The following MTMR3 variants were observed in gnomAD, a reference collection of about 807,000 sequenced individuals.
The protein encoded by MTMR3 is phosphatidylinositol-3,5-bisphosphate 3-phosphatase MTMR3.
A neutral mutation model predicts 132.4 loss-of-function variants in MTMR3; 32 were observed. That is an observed-to-expected ratio of 0.24 (90% CI 0.18 to 0.32). The LOEUF (loss-of-function observed/expected upper bound fraction) is 0.32. MTMR3 is among the 10% of genes least tolerant of loss of function. The probability of loss-of-function intolerance (pLI) is 1.00; values close to 1 mark genes in which losing one functional copy is unlikely to be tolerated. For missense variants in MTMR3, 1,216 were observed against 1,489.6 expected (o/e 0.82, Z 3.02); for synonymous variants, 556 against 550.3 (o/e 1.01, Z -0.14).
chr22:29,938,478 C>T (rs760660283), intron 1 of MTMR3, among the ~76,000 whole-genome samples: 2 of 152,238 alleles, frequency 1.3e-5, no homozygotes, highest in African/African-American at 4.8e-5. Flanking sequence ...TCCCCCAGCC[C>T]GCTGGTATTC....
chr22:30,005,640 C>A (rs566923733), intron 9 of MTMR3: 2 of 152,204 alleles, frequency 1.3e-5, no homozygotes, highest in East Asian at 1.9e-4. Context: ...CAAGTACTTA[C>A]AGCTACTTGT....
intron 7 of MTMR3, 166 bp from the exon 8 acceptor site, chr22:29,998,595 A>T (rs1387222465): frequency 1.5e-5 from 5 of 328,206 alleles, no homozygotes; most frequent in Non-Finnish European, 2.2e-5. Flanking sequence ...GTGAGCTGAG[A>T]TCACACCACT....
chr22:29,977,923 GATCA>G (rs1169126168), intron 3 of MTMR3, among the ~76,000 whole-genome samples: 1 of 152,126 alleles, frequency 6.6e-6, no homozygotes, highest in Admixed American at 6.6e-5. Flanking sequence ...GAGGCAGCTG[GATCA>G]CCTGAGGCCA....
chr22:29,987,001 A>G (rs919909112), intron 5 of MTMR3: 3 of 152,208 alleles, frequency 2.0e-5, no homozygotes, highest in African/African-American at 7.2e-5. Flanking sequence ...TCGGCCTCCC[A>G]AAATGTTGGC....
intron 1 of MTMR3, among the ~76,000 whole-genome samples, chr22:29,897,596 G>C (rs1487258900): frequency 2.6e-5 from 4 of 151,760 alleles, no homozygotes; most frequent in Admixed American, 6.6e-5. Context: ...GGGATTACAG[G>C]AGCTCGTCAC....
Position 30,009,092 on chromosome 22 carries a change from C to G in MTMR3, c.1084C>G (p.Leu362Val). 6.2e-7 allele frequency: 1 copy of G among 1,613,610 alleles called. No individual in the cohort carries two copies. Among genetic ancestry groups the G allele is most frequent in the Non-Finnish European group, 8.5e-7 (1 of 1,179,508 alleles). ...IHSIRRSFQS[L>V]RLLCTQMPDP... ...TTCTATTCGGAGGAGTTTTCAGTCT[C>G]TGCGGTTGCTGTGCACTCAGATGCC... The change falls in exon 12 of 20, where the codon CTG becomes GTG. Residue 362 changes from leucine (L) to valine (V), a missense_variant. By Grantham distance (32) the Leu-to-Val change is conservative. Transcript: ENST00000401950.
Position 29,949,519 on chromosome 22 carries a change from A to C in MTMR3, c.-137-7517A>C, listed in dbSNP as rs201970159. On this transcript the variant is annotated intron_variant, in intron 1 of 19. Transcript: ENST00000401950. Reference sequence around the variant, plus strand: ...CCCCGCGCCCCCCCCCAAAAAAAAAAAACAACACACGTACACATAAACCCA... The same window carrying C: ...CCCCGCGCCCCCCCCCAAAAAAAAACAACAACACACGTACACATAAACCCA... 5.1e-3 allele frequency among the ~76,000 whole-genome samples: 750 copies of C among 146,226 alleles called. 44 individuals carry two copies. In the East Asian group the frequency reaches 0.12, roughly 24 times the overall value.
intron 2 of MTMR3, among the ~76,000 whole-genome samples, chr22:29,966,726 CGTGTGTGTGTGTGTGTGTGTGTGTGTGT>C (rs55960706): frequency 7.0e-6 from 1 of 142,856 alleles, no homozygotes; most frequent in Non-Finnish European, 1.6e-5. Context: ...TAGGGGTGTG[CGTGTGTGTGTGTGTGTGTGTGTGTGTGT>C]GTGTGTGTGT....
In MTMR3 at chr22:29,913,725, G is replaced by T. The variant is rs561018563; in HGVS notation, c.-138+30366G>T. Among the ~76,000 whole-genome samples, 13 of 146,728 alleles carry T rather than the reference G, an allele frequency of 8.9e-5. No individual in the cohort carries two copies. In the East Asian group the frequency reaches 2.6e-3, roughly 29 times the overall value. On this transcript the variant is annotated intron_variant, in intron 1 of 19. Coordinates refer to ENST00000401950, the MANE Select transcript of MTMR3 (RefSeq NM_021090.4). Reference sequence around the variant, plus strand: ...TTATTTACTAGTTAATGGATATTGGGGTTTTTTTTTTTTCCAGGTTTTGGG... The same window carrying T: ...TTATTTACTAGTTAATGGATATTGGTGTTTTTTTTTTTTCCAGGTTTTGGG...
intron 1 of MTMR3, among the ~76,000 whole-genome samples, chr22:29,906,584 C>T (rs1469718327): frequency 1.3e-5 from 2 of 152,012 alleles, no homozygotes; most frequent in South Asian, 2.1e-4. Context: ...GTTCCATCTC[C>T]CTCGGCCTCC....
chr22:29,954,077 T>TTTTTTTTTTTTTTTTTTTTTTTTTTTTA (rs1206198861), intron 1 of MTMR3, among the ~76,000 whole-genome samples: 1 of 121,466 alleles, frequency 8.2e-6, no homozygotes, highest in African/African-American at 3.4e-5. Context: ...TTTTTTTTTT[T>TTTTTTTTTTTTTTTTTTTTTTTTTTTTA]TTTTTTGTCT....
At chr22:30,023,832 A>T in intron 19 of MTMR3, 2 of 282,900 alleles carry the variant, frequency 7.1e-6, no homozygotes, top group Non-Finnish European at 1.3e-5. Context: ...GAATAATGCT[A>T]GTAATTTCCA....
At chr22:29,894,883 C>T (rs866842723) in intron 1 of MTMR3, among the ~76,000 whole-genome samples, 5 of 152,140 alleles carry the variant, frequency 3.3e-5, no homozygotes, top group Non-Finnish European at 7.4e-5. Context: ...TGGGTTAAGA[C>T]ATTTGTTATT....
chr22:30,022,035 A>G lies in MTMR3; in HGVS notation c.3232A>G (p.Ile1078Val), dbSNP rs377669228. 1.7e-5 allele frequency: 27 copies of G among 1,613,744 alleles called. No homozygotes were observed. Among genetic ancestry groups the G allele is most frequent in the African/African-American group, 4.0e-5 (3 of 74,910 alleles). Reference sequence around the variant, plus strand: ...TGTGTTTGTTTGCCAACAGACTTCAATCCCCGACTCGGAAAGCAATCTGGA... The same window carrying G: ...TGTGTTTGTTTGCCAACAGACTTCAGTCCCCGACTCGGAAAGCAATCTGGA... ...NGDFGDEVTS[I>V]PDSESNLDQN... Residue 1078 changes from isoleucine (I) to valine (V), a missense_variant, in exon 18 of 20, where the codon ATC becomes GTC. This residue lies in a region of MTMR3 where 852 missense variants were observed against 852.0 expected (regional missense o/e 1.00). Coordinates refer to ENST00000401950, the MANE Select transcript of MTMR3 (RefSeq NM_021090.4).
intron 1 of MTMR3, among the ~76,000 whole-genome samples, chr22:29,888,086 C>T (rs767951249): frequency 1.3e-4 from 20 of 152,016 alleles, no homozygotes; most frequent in Non-Finnish European, 2.2e-4. Context: ...GGCACGATCT[C>T]GGCTCACTGT....
chr22:30,018,003 C>T lies in MTMR3; in HGVS notation c.1751C>T (p.Thr584Ile), dbSNP rs780849871. 1 of 1,613,940 alleles carries T rather than the reference C, an allele frequency of 6.2e-7. No homozygotes were observed. Among genetic ancestry groups the T allele is most frequent in the African/African-American group, 1.3e-5 (1 of 75,024 alleles). The part of the protein sequence containing the change: ...AVYLPCPSPT[T>I]PVDDSCAPYP... Reference sequence around the variant, plus strand: ...TACCTGCCCTGCCCATCCCCAACCACCCCTGTGGACGACAGCTGTGCACCA... The same window carrying T: ...TACCTGCCCTGCCCATCCCCAACCATCCCTGTGGACGACAGCTGTGCACCA... The change falls in exon 16 of 20, where the codon ACC (threonine) becomes ATC (isoleucine). Residue 584 changes from threonine (T) to isoleucine (I), a missense_variant. Physicochemically the swap from Thr to Ile is moderately conservative, Grantham distance 89. Around this residue, in one of 7 missense-constraint regions of MTMR3, gnomAD observed 852 missense variants for 852.0 expected, o/e 1.00. Coordinates refer to ENST00000401950, the MANE Select transcript of MTMR3 (RefSeq NM_021090.4).
At chr22:29,943,990 A>AT (rs960075520) in intron 1 of MTMR3, among the ~76,000 whole-genome samples, 1 of 150,670 alleles carries the variant, frequency 6.6e-6, no homozygotes, top group African/African-American at 2.4e-5. Context: ...TGACTGGCTA[A>AT]TTTTTTTTTG....
At chr22:29,970,911 A>G (rs1409105542) in intron 2 of MTMR3, 65 bp from the exon 3 acceptor site, 26 of 671,504 alleles carry the variant, frequency 3.9e-5, no homozygotes, top group Non-Finnish European at 5.0e-5. Context: ...GGGAAAAACT[A>G]TTGCCAATTT....
rs1308335191 is a variant in MTMR3 at position 29,998,530 on chromosome 22, C to G, written c.461-231C>G. 1.3e-5 allele frequency: 3 copies of G among 224,188 alleles called. No individual in the cohort carries two copies. The East Asian group carries it at 3.1e-4, about 23-fold the overall frequency. 13.9% of individuals were successfully genotyped at this position (224,188 alleles called of 1,614,324 possible). Reference sequence around the variant, plus strand: ...TGGTGGCATGCACCTGTAATCCCAGCTATTTGGGTGGCTGAGGCACAAGAA... The same window carrying G: ...TGGTGGCATGCACCTGTAATCCCAGGTATTTGGGTGGCTGAGGCACAAGAA... On this transcript the variant is annotated intron_variant, in intron 7 of 19. Coordinates refer to ENST00000401950, the MANE Select transcript of MTMR3 (RefSeq NM_021090.4).
Sources: allele counts gnomAD v4.1 joint callset (sites outside exome capture counted in the v4.1 genomes callset), GRCh38; gene constraint gnomAD v4.1.1; regional missense constraint gnomAD v4.1.1; transcripts MANE v1.5; gene names NCBI Gene and HGNC (gene_info 2026-07-23, HGNC 2026-07-21).